The following AK5 variants were observed in gnomAD, a reference collection of about 807,000 sequenced individuals.
AK5 encodes the protein adenylate kinase isoenzyme 5.
Under a neutral mutation model 69.5 loss-of-function variants are expected in AK5, and 27 were observed. That is an observed-to-expected ratio of 0.39 (90% CI 0.29 to 0.54). AK5 has a LOEUF of 0.54. Ranked by LOEUF, AK5 falls within the 20% of genes least tolerant of loss-of-function variation. The pLI, the probability that AK5 is intolerant of heterozygous loss-of-function variation, is 0.71. For synonymous variants in AK5, 260 were observed against 244.4 expected (o/e 1.06, Z -0.60); for missense variants, 531 against 700.4 (o/e 0.76, Z 2.73).
chr1:77,559,318 A>G lies in AK5; in HGVS notation c.*648A>G, dbSNP rs1373848097. 6.6e-6 allele frequency: 1 copy of G among 151,954 alleles called. No homozygotes were observed. The highest frequency in any genetic ancestry group is 2.4e-5 in the African/African-American group (1 of 41,278). The allele number at this position is 151,954 out of a possible 1,614,324, so 9.4% of individuals were successfully genotyped here. ...GTAAAACCCAGGTTAGTCATCAGTA[A>G]CCTTCTCTATTATTATTATTTTTTA... On this transcript the variant is annotated 3_prime_UTR_variant, in exon 14 of 14. Transcript: ENST00000354567.
intron 5 of AK5, among the ~76,000 whole-genome samples, chr1:77,318,844 T>C (rs951984958): frequency 6.6e-6 from 1 of 152,184 alleles, no homozygotes; most frequent in African/African-American, 2.4e-5. Context: ...AATATTTATA[T>C]GATCCTTATC....
intron 12 of AK5, among the ~76,000 whole-genome samples, chr1:77,529,279 A>C (rs1054339414): frequency 6.6e-6 from 1 of 151,320 alleles, no homozygotes; most frequent in Non-Finnish European, 1.5e-5. Flanking sequence ...TACACATTTC[A>C]TTTGATTAAT....
chr1:77,429,007 C>T (rs960990128), intron 8 of AK5, among the ~76,000 whole-genome samples: 18 of 152,132 alleles, frequency 1.2e-4, no homozygotes, highest in African/African-American at 4.3e-4. Flanking sequence ...CATTGTTGGA[C>T]ATTTGGGTTG....
At chr1:77,508,173 A>C (rs1557643417) in intron 10 of AK5, among the ~76,000 whole-genome samples, 2 of 152,366 alleles carry the variant, frequency 1.3e-5, no homozygotes, top group East Asian at 3.9e-4. Context: ...CAAGCATTTC[A>C]GATAAGGAGT....
intron 6 of AK5, among the ~76,000 whole-genome samples, chr1:77,378,077 A>T (rs1647362784): frequency 6.6e-6 from 1 of 152,190 alleles, no homozygotes; most frequent in African/African-American, 2.4e-5. Flanking sequence ...GGTATATGTC[A>T]TCATAAAAGC....
At chr1:77,534,238 G>T (rs1299124536) in intron 12 of AK5, among the ~76,000 whole-genome samples, 2 of 152,204 alleles carry the variant, frequency 1.3e-5, no homozygotes, top group African/African-American at 4.8e-5. Flanking sequence ...ATGTGGCAAG[G>T]TCAGGGGGAG....
At chr1:77,355,303 G>A (rs1028791072) in intron 6 of AK5, among the ~76,000 whole-genome samples, 2 of 152,180 alleles carry the variant, frequency 1.3e-5, no homozygotes, top group African/African-American at 4.8e-5. Context: ...AATGAAATCT[G>A]ATATTAAAAA....
chr1:77,506,998 C>CA (rs1004573787), intron 10 of AK5, among the ~76,000 whole-genome samples: 113 of 134,972 alleles, frequency 8.4e-4, no homozygotes, highest in South Asian at 3.9e-3. Flanking sequence ...GACTCAGTCT[C>CA]AAAAAAAAAA....
intron 6 of AK5, among the ~76,000 whole-genome samples, chr1:77,393,061 T>C (rs936920923): frequency 6.6e-6 from 1 of 152,172 alleles, no homozygotes; most frequent in Non-Finnish European, 1.5e-5. Context: ...GCCTTCCAAG[T>C]AGCTGGGACT....
At chr1:77,337,521 T>A (rs539853064) in intron 5 of AK5, among the ~76,000 whole-genome samples, 1 of 152,300 alleles carries the variant, frequency 6.6e-6, no homozygotes, top group East Asian at 1.9e-4. Context: ...AAGTAAATTT[T>A]AAATTATATC....
intron 5 of AK5, among the ~76,000 whole-genome samples, chr1:77,312,624 A>C (rs1007006369): frequency 2.5e-3 from 387 of 152,094 alleles, no homozygotes; most frequent in Admixed American, 4.6e-3. Context: ...AAAAAAAAAA[A>C]AAAAACAAAA....
chr1:77,283,743 G>GTT (rs201279401), intron 1 of AK5: 24 of 497,068 alleles, frequency 4.8e-5, no homozygotes, highest in African/African-American at 3.6e-4. Flanking sequence ...CTTAAGAGTT[G>GTT]TTTTTTTTGT....
intron 5 of AK5, among the ~76,000 whole-genome samples, chr1:77,328,779 G>A (rs764383547): frequency 1.3e-5 from 2 of 152,218 alleles, no homozygotes; most frequent in African/African-American, 2.4e-5. Context: ...ATTTGGGGCT[G>A]TAAGAGATTA....
At chr1:77,465,351 C>T (rs1654077944) in intron 8 of AK5, among the ~76,000 whole-genome samples, 1 of 151,914 alleles carries the variant, frequency 6.6e-6, no homozygotes, top group African/African-American at 2.4e-5. Context: ...GTTACCATGG[C>T]AACTGCTCAA....
intron 12 of AK5, among the ~76,000 whole-genome samples, 161 bp from the exon 13 acceptor site, chr1:77,535,686 G>T (rs181598352): frequency 1.3e-5 from 2 of 152,204 alleles, no homozygotes; most frequent in South Asian, 2.1e-4. Context: ...GACCTGGAAG[G>T]GGGGAGCTAT....
intron 6 of AK5, among the ~76,000 whole-genome samples, chr1:77,359,961 G>T (rs1359791241): frequency 6.6e-6 from 1 of 152,164 alleles, no homozygotes; most frequent in Non-Finnish European, 1.5e-5. Context: ...GGAGCTGAGA[G>T]ATAGATTGGT....
intron 5 of AK5, among the ~76,000 whole-genome samples, chr1:77,311,448 C>G (rs1361232723): frequency 6.6e-6 from 1 of 152,114 alleles, no homozygotes; most frequent in Non-Finnish European, 1.5e-5. Flanking sequence ...TATGGACCCT[C>G]TTGAAGCCTC....
chr1:77,383,564 C>T (rs1374611289), intron 6 of AK5, among the ~76,000 whole-genome samples: 1 of 152,138 alleles, frequency 6.6e-6, no homozygotes, highest in Non-Finnish European at 1.5e-5. Flanking sequence ...ATATGGCATT[C>T]TCTAGCACTG....
chr1:77,520,967 T>C (rs1657947136), intron 11 of AK5, among the ~76,000 whole-genome samples: 1 of 152,202 alleles, frequency 6.6e-6, no homozygotes, highest in African/African-American at 2.4e-5. Flanking sequence ...ATTTCCAGAC[T>C]CTGGTGTATT....
Sources: allele counts gnomAD v4.1 joint callset (sites outside exome capture counted in the v4.1 genomes callset), GRCh38; gene constraint gnomAD v4.1.1; transcripts MANE v1.5; gene names NCBI Gene and HGNC (gene_info 2026-07-23, HGNC 2026-07-21).